UBE2E2: variants seen among roughly 807,000 people sequenced by gnomAD.
UBE2E2 encodes the protein ubiquitin-conjugating enzyme E2 E2.
A neutral mutation model predicts 24.7 loss-of-function variants in UBE2E2; 6 were observed. The observed-to-expected ratio is 0.24, with a 90% confidence interval of 0.13 to 0.48. The LOEUF (loss-of-function observed/expected upper bound fraction) is 0.48, where lower values mean the gene tolerates loss of function less well. Among genes scored for constraint, UBE2E2 ranks in the 20% least tolerant of loss-of-function variants. The pLI, the probability that UBE2E2 is intolerant of heterozygous loss-of-function variation, is 0.99. For missense variants in UBE2E2, 169 were observed against 245.0 expected, an observed-to-expected ratio of 0.69 and a Z score of 2.07; for synonymous variants, 104 against 83.6, an observed-to-expected ratio of 1.24 and a Z score of -1.33.
intron 3 of UBE2E2, among the ~76,000 whole-genome samples, chr3:23,391,900 A>G (rs561421058): frequency 1.3e-5 from 2 of 152,282 alleles, no homozygotes; most frequent in Admixed American, 6.5e-5. Context: ...CCCCTCCACC[A>G]TTGTTCTATT....
At chr3:23,522,157 G>GGCAGAC (rs1694882937) in intron 4 of UBE2E2, among the ~76,000 whole-genome samples, 1 of 137,096 alleles carries the variant, frequency 7.3e-6, no homozygotes, top group African/African-American at 2.8e-5. Flanking sequence ...TTGAGGCAGA[G>GGCAGAC]TCTCGCTCTG....
intron 3 of UBE2E2, among the ~76,000 whole-genome samples, chr3:23,283,947 C>G (rs746333972): frequency 6.6e-6 from 1 of 152,124 alleles, no homozygotes; most frequent in Non-Finnish European, 1.5e-5. Context: ...GCTTTAGATA[C>G]TTTTGCAGTT....
chr3:23,499,771 A>T, intron 4 of UBE2E2, 31 bp downstream of exon 4: 1 of 1,606,718 alleles, frequency 6.2e-7, no homozygotes, highest in South Asian at 1.1e-5. Context: ...GATTTTTAGC[A>T]ATATGGATTA....
chr3:23,520,437 TAAG>T (rs770532832), intron 4 of UBE2E2, among the ~76,000 whole-genome samples: 14 of 152,226 alleles, frequency 9.2e-5, no homozygotes, highest in Non-Finnish European at 2.1e-4. Flanking sequence ...AACTTTATGG[TAAG>T]AACATAGGGG....
intron 3 of UBE2E2, among the ~76,000 whole-genome samples, chr3:23,287,122 G>C (rs574832649): frequency 2.6e-4 from 39 of 152,068 alleles, no homozygotes; most frequent in African/African-American, 9.4e-4. Flanking sequence ...TCAGTTTTTT[G>C]ATGGTTTTTA....
chr3:23,318,011 T>C (rs1158971695), intron 3 of UBE2E2, among the ~76,000 whole-genome samples: 3 of 152,044 alleles, frequency 2.0e-5, no homozygotes, highest in Non-Finnish European at 4.4e-5. Flanking sequence ...GGAGCTTCTA[T>C]TTGGCCATCT....
chr3:23,429,163 G>A (rs962852824), intron 3 of UBE2E2, among the ~76,000 whole-genome samples: 3 of 151,884 alleles, frequency 2.0e-5, no homozygotes, highest in South Asian at 2.1e-4. Flanking sequence ...TTTCCAAAAC[G>A]GAAAGCACCA....
intron 3 of UBE2E2, among the ~76,000 whole-genome samples, chr3:23,307,225 A>G (rs918825030): frequency 2.6e-5 from 4 of 152,082 alleles, no homozygotes; most frequent in Admixed American, 2.6e-4. Flanking sequence ...ATAGCTGTCA[A>G]TGTCTTCTCT....
intron 3 of UBE2E2, among the ~76,000 whole-genome samples, chr3:23,217,637 T>C (rs1410820186): frequency 1.3e-5 from 2 of 152,124 alleles, no homozygotes; most frequent in African/African-American, 2.4e-5. Context: ...TTTTTAATGA[T>C]AGAATAATAG....
At chr3:23,245,807 T>G (rs1697378776) in intron 3 of UBE2E2, among the ~76,000 whole-genome samples, 1 of 152,202 alleles carries the variant, frequency 6.6e-6, no homozygotes, top group African/African-American at 2.4e-5. Flanking sequence ...CCTCTTGACC[T>G]TTGTAAAATG....
In UBE2E2 at chr3:23,407,611, G is replaced by T. The variant is rs1697391071; in HGVS notation, c.228-91997G>T. On this transcript the variant is annotated intron_variant, in intron 3 of 5. Coordinates refer to ENST00000396703, the MANE Select transcript of UBE2E2 (RefSeq NM_152653.4). The surrounding 1 kb of genome is among the most constrained non-coding windows in gnomAD (Gnocchi z 4.0). ...ATGGTTTGTATGTTTGTTTTGGGAG[G>T]AGTGCATGTGTGTGTGTTTGTGTGT... Among the ~76,000 whole-genome samples, 1 of 150,632 alleles carries T rather than the reference G, an allele frequency of 6.6e-6. No individual in the cohort carries two copies. Among genetic ancestry groups the T allele is most frequent in the African/African-American group, 2.5e-5 (1 of 40,714 alleles).
At chr3:23,298,317 A>G (rs1438028148) in intron 3 of UBE2E2, among the ~76,000 whole-genome samples, 3 of 151,688 alleles carry the variant, frequency 2.0e-5, no homozygotes, top group African/African-American at 7.2e-5. Context: ...AGAACTTCCA[A>G]CACTATGTTG....
intron 3 of UBE2E2, among the ~76,000 whole-genome samples, chr3:23,443,565 C>G (rs1257593977): frequency 1.3e-5 from 2 of 152,116 alleles, no homozygotes; most frequent in Non-Finnish European, 2.9e-5. Flanking sequence ...ATATTAATTC[C>G]TCCATGGGGG....
At chr3:23,523,340 C>A (rs1694911326) in intron 4 of UBE2E2, among the ~76,000 whole-genome samples, 1 of 152,126 alleles carries the variant, frequency 6.6e-6, no homozygotes, top group South Asian at 2.1e-4. Flanking sequence ...GGAAAATTTT[C>A]TAGTTGCATG....
At chr3:23,441,979 A>C (rs931579899) in intron 3 of UBE2E2, among the ~76,000 whole-genome samples, 1 of 152,156 alleles carries the variant, frequency 6.6e-6, no homozygotes, top group African/African-American at 2.4e-5. Flanking sequence ...ATTTAAATTG[A>C]AGTTCCCTAG....
At chr3:23,585,500 T>C (rs996622137) in intron 5 of UBE2E2, among the ~76,000 whole-genome samples, 1 of 152,176 alleles carries the variant, frequency 6.6e-6, no homozygotes, top group Non-Finnish European at 1.5e-5. Context: ...CCTATACTTC[T>C]GCCTCAGGAA....
intron 3 of UBE2E2, among the ~76,000 whole-genome samples, chr3:23,289,738 G>A (rs185895874): frequency 1.3e-5 from 2 of 152,124 alleles, no homozygotes; most frequent in African/African-American, 2.4e-5. Context: ...AGTTTTGAAC[G>A]TTCAAGTACT....
At chr3:23,579,936 T>C (rs1273472150) in intron 5 of UBE2E2, among the ~76,000 whole-genome samples, 5 of 152,138 alleles carry the variant, frequency 3.3e-5, no homozygotes, top group Non-Finnish European at 7.3e-5. Flanking sequence ...ACAACTTTTA[T>C]TGGAGGAAAT....
chr3:23,379,640 A>G (rs1459698346), intron 3 of UBE2E2, among the ~76,000 whole-genome samples: 1 of 151,764 alleles, frequency 6.6e-6, no homozygotes, highest in Non-Finnish European at 1.5e-5. Flanking sequence ...AATCCAGTCT[A>G]TCATTGTTGG....
Sources: gnomAD v4.1 joint callset for allele counts (sites outside exome capture counted in the v4.1 genomes callset) on GRCh38, gnomAD v4.1.1 for gene constraint, Gnocchi (gnomAD v3.1) non-coding constraint, MANE v1.5 for transcripts, NCBI Gene and HGNC (gene_info 2026-07-23, HGNC 2026-07-21) for gene names.